The following TENM3 variants were observed in gnomAD, a reference collection of about 807,000 sequenced individuals.
TENM3 encodes the protein teneurin transmembrane protein 3.
In TENM3, 63 loss-of-function variants were observed where a neutral mutation model predicts 255.1. The ratio of observed to expected loss-of-function variants is 0.25; its 90% CI spans 0.20 to 0.30. TENM3 has a LOEUF of 0.30. Ranked by LOEUF, TENM3 falls within the 10% of genes least tolerant of loss-of-function variation. The probability of loss-of-function intolerance (pLI) is 1.00; values close to 1 mark genes in which losing one functional copy is unlikely to be tolerated. For missense variants in TENM3, 2,929 were observed against 3,461.1 expected (o/e 0.85, Z 3.86); for synonymous variants, 1,306 against 1,322.3 (o/e 0.99, Z 0.27).
chr4:182,183,959 T>TA (rs1371212411), intron 1 of TENM3, among the ~76,000 whole-genome samples: 3 of 152,284 alleles, frequency 2.0e-5, no homozygotes, highest in African/African-American at 2.4e-5. Context: ...TACATTTATA[T>TA]AAAAAAACCA....
chr4:181,635,321 A>T, the TENM3 span, among the ~76,000 whole-genome samples: 1 of 152,228 alleles, frequency 6.6e-6, no homozygotes, highest in Non-Finnish European at 1.5e-5. Context: ...GAAAATAAAC[A>T]CTGATGTGCT....
At chr4:182,547,902 A>C (rs1463191125) in intron 3 of TENM3, among the ~76,000 whole-genome samples, 1 of 152,052 alleles carries the variant, frequency 6.6e-6, no homozygotes, top group Non-Finnish European at 1.5e-5. Flanking sequence ...TTTCTAACCC[A>C]ATCATTTGCC....
chr4:181,908,765 A>G, the TENM3 span, among the ~76,000 whole-genome samples: 1 of 152,086 alleles, frequency 6.6e-6, no homozygotes, highest in Non-Finnish European at 1.5e-5. Flanking sequence ...AGTAAAAGAT[A>G]GTGTTACACG....
chr4:182,590,938 A>C (rs1746583502), intron 3 of TENM3, among the ~76,000 whole-genome samples: 1 of 152,076 alleles, frequency 6.6e-6, no homozygotes, highest in Admixed American at 6.6e-5. Context: ...GCTTACCTGC[A>C]CTTTACGTTT....
chr4:182,419,551 C>T (rs1770650179), intron 3 of TENM3, among the ~76,000 whole-genome samples: 1 of 152,136 alleles, frequency 6.6e-6, no homozygotes, highest in Non-Finnish European at 1.5e-5. Context: ...AATCATGCTG[C>T]TATAAAGACA....
the TENM3 span, among the ~76,000 whole-genome samples, chr4:181,814,207 T>G: frequency 6.6e-6 from 1 of 152,194 alleles, no homozygotes; most frequent in South Asian, 2.1e-4. Context: ...TAGACACATG[T>G]AAAACAAATC....
chr4:181,750,845 C>T, the TENM3 span, among the ~76,000 whole-genome samples: 1 of 152,158 alleles, frequency 6.6e-6, no homozygotes, highest in Non-Finnish European at 1.5e-5. Flanking sequence ...CTGTTGGCTT[C>T]CAGCAAGATC....
At chr4:181,673,030 C>T in the TENM3 span, among the ~76,000 whole-genome samples, 1 of 152,106 alleles carries the variant, frequency 6.6e-6, no homozygotes, top group Non-Finnish European at 1.5e-5. Context: ...CAGATAAGGA[C>T]ATCAAAACTC....
At chr4:181,832,916 A>T in the TENM3 span, among the ~76,000 whole-genome samples, 1 of 152,176 alleles carries the variant, frequency 6.6e-6, no homozygotes, top group Non-Finnish European at 1.5e-5. Context: ...GCTCCAGAAG[A>T]TGAGGAATCT....
the TENM3 span, among the ~76,000 whole-genome samples, chr4:181,928,042 C>A: frequency 6.6e-6 from 1 of 152,038 alleles, no homozygotes; most frequent in Non-Finnish European, 1.5e-5. Context: ...CATCAAAGAC[C>A]AAAAGTAGAT....
At chr4:182,425,080 C>A (rs1306920295) in intron 3 of TENM3, among the ~76,000 whole-genome samples, 2 of 152,142 alleles carry the variant, frequency 1.3e-5, no homozygotes, top group Non-Finnish European at 2.9e-5. Context: ...GCATTTGTGA[C>A]TGGTATTAAT....
chr4:182,194,906 GT>G (rs1427583098), intron 1 of TENM3, among the ~76,000 whole-genome samples: 2 of 152,016 alleles, frequency 1.3e-5, no homozygotes, highest in Non-Finnish European at 2.9e-5. Flanking sequence ...TTTTCCAAAA[GT>G]TTTTGTCGTG....
the TENM3 span, among the ~76,000 whole-genome samples, chr4:181,705,608 A>G: frequency 4.6e-5 from 7 of 152,198 alleles, no homozygotes; most frequent in African/African-American, 1.7e-4. Context: ...ACTTAAATCT[A>G]TACATTTCTT....
At chr4:181,635,830 A>G in the TENM3 span, among the ~76,000 whole-genome samples, 1 of 152,292 alleles carries the variant, frequency 6.6e-6, no homozygotes, top group East Asian at 1.9e-4. Context: ...CTGGAGGGAG[A>G]CGGGGCTTCC....
the TENM3 span, among the ~76,000 whole-genome samples, chr4:182,042,835 C>G: frequency 6.6e-6 from 1 of 151,722 alleles, no homozygotes; most frequent in Non-Finnish European, 1.5e-5. Flanking sequence ...GTTCAGGTTA[C>G]TGTATCTGAA....
chr4:182,575,927 A>T (rs1484649370), intron 3 of TENM3, among the ~76,000 whole-genome samples: 1 of 152,148 alleles, frequency 6.6e-6, no homozygotes, highest in African/African-American at 2.4e-5. Flanking sequence ...CCTCATTTTT[A>T]TTCATCCGGT....
chr4:182,214,239 A>G (rs186114170), intron 1 of TENM3, among the ~76,000 whole-genome samples: 2 of 152,304 alleles, frequency 1.3e-5, no homozygotes, highest in Admixed American at 6.5e-5. Context: ...CCTAGTTTTC[A>G]CTACCCCTTA....
At chr4:182,164,911 C>A (rs1004605880) in intron 1 of TENM3, among the ~76,000 whole-genome samples, 5 of 152,142 alleles carry the variant, frequency 3.3e-5, no homozygotes, top group African/African-American at 9.7e-5. Context: ...ATATTTCATT[C>A]TTTCCCATTT....
intron 1 of TENM3, among the ~76,000 whole-genome samples, chr4:182,258,310 A>G (rs903329614): frequency 4.5e-4 from 68 of 152,228 alleles, no homozygotes; most frequent in African/African-American, 1.6e-3. Context: ...AACAATTTAT[A>G]TGAACTGCTT....
Sources: gnomAD v4.1 joint callset for allele counts (sites outside exome capture counted in the v4.1 genomes callset) on GRCh38, gnomAD v4.1.1 for gene constraint, MANE v1.5 for transcripts, NCBI Gene and HGNC (gene_info 2026-07-23, HGNC 2026-07-21) for gene names.